FCHSD2: variants seen among roughly 807,000 people sequenced by gnomAD.
FCHSD2 encodes the protein FCH and double SH3 domains 2.
FCHSD2 carries 38 observed loss-of-function variants against 108.1 expected under a neutral mutation model. The observed-to-expected ratio is 0.35, with a 90% CI of 0.27 to 0.46. The LOEUF is 0.46. FCHSD2 is among the 20% of genes least tolerant of loss of function. The probability of loss-of-function intolerance (pLI) is 1.00; values close to 1 mark genes in which losing one functional copy is unlikely to be tolerated. For synonymous variants in FCHSD2, 279 were observed against 314.7 expected, an observed-to-expected ratio of 0.89 and a Z score of 1.20; for missense variants, 751 against 897.8, an observed-to-expected ratio of 0.84 and a Z score of 2.09.
At chr11:73,078,560 A>C (rs1438325445) in intron 3 of FCHSD2, among the ~76,000 whole-genome samples, 2 of 152,206 alleles carry the variant, frequency 1.3e-5, no homozygotes, top group Admixed American at 1.3e-4. Flanking sequence ...GAAAGAAATC[A>C]GACACAGAAG....
intron 3 of FCHSD2, among the ~76,000 whole-genome samples, chr11:73,047,971 G>A (rs531269701): frequency 6.6e-5 from 10 of 152,028 alleles, no homozygotes; most frequent in Non-Finnish European, 5.9e-5. Flanking sequence ...GTTAACAAAT[G>A]GTGGAGCCAT....
chr11:72,920,678 C>A lies in FCHSD2; in HGVS notation c.828+1150G>T, dbSNP rs193104091. Among the ~76,000 whole-genome samples the A allele has an allele frequency of 4.4e-3, 677 of 152,258 alleles. 5 individuals are homozygous for A. The highest frequency in any genetic ancestry group is 0.016 in the African/African-American group (661 of 41,550). On this transcript the variant is annotated intron_variant, in intron 9 of 19. Coordinates refer to ENST00000409418, the MANE Select transcript of FCHSD2 (RefSeq NM_014824.3). ...TTTCATAGACTTTTCCCCCAACATT[C>A]TTTTCTGAAAAATTCAAATATATAT...
intron 9 of FCHSD2, among the ~76,000 whole-genome samples, chr11:72,908,683 A>G (rs1405177212): frequency 6.6e-6 from 1 of 152,068 alleles, no homozygotes; most frequent in Non-Finnish European, 1.5e-5. Flanking sequence ...TATTTTTATC[A>G]TTATTTTTTG....
intron 3 of FCHSD2, among the ~76,000 whole-genome samples, chr11:73,028,398 A>G (rs912125126): frequency 1.3e-5 from 2 of 152,152 alleles, no homozygotes; most frequent in Non-Finnish European, 2.9e-5. Context: ...CTGTAGCCCC[A>G]TTGTTTTGGC....
chr11:72,968,623 G>C (rs1348118207), intron 8 of FCHSD2, among the ~76,000 whole-genome samples: 1 of 152,174 alleles, frequency 6.6e-6, no homozygotes, highest in Admixed American at 6.6e-5. Context: ...CCATAAATGG[G>C]GGGTTATTCT....
chr11:72,913,626 C>G (rs528651503), intron 9 of FCHSD2, among the ~76,000 whole-genome samples: 2 of 152,222 alleles, frequency 1.3e-5, no homozygotes, highest in South Asian at 4.1e-4. Context: ...TTCACAGTAG[C>G]CTCTAATGGT....
chr11:73,076,238 G>A (rs757043926), intron 3 of FCHSD2, among the ~76,000 whole-genome samples: 15 of 152,116 alleles, frequency 9.9e-5, no homozygotes, highest in Non-Finnish European at 1.8e-4. Context: ...TGGTTATTAG[G>A]CAGCATTATA....
rs373719529 is a variant in FCHSD2 at position 73,034,866 on chromosome 11, ATCTG to A, written c.166-18985_166-18982del. On this transcript the variant is annotated intron_variant, in intron 3 of 19. Coordinates refer to ENST00000409418, the MANE Select transcript of FCHSD2 (RefSeq NM_014824.3). ...AAAGTCAAAAGAACCAAGACTGTCA[ATCTG>A]TCTGTCAACAACACAACTGAAAATC... Among the ~76,000 whole-genome samples, 122 of 152,356 alleles carry A rather than the reference ATCTG, an allele frequency of 8.0e-4. 1 individual carries two copies. In the East Asian group the frequency reaches 0.021, roughly 26 times the overall value.
In FCHSD2 at chr11:73,135,407, T is replaced by G. The variant is rs144749100; in HGVS notation, c.119+4624A>C. Among the ~76,000 whole-genome samples the G allele has an allele frequency of 4.4e-3, 668 of 152,304 alleles. 5 individuals are homozygous for G. Among genetic ancestry groups the G allele is most frequent in the African/African-American group, 0.015 (636 of 41,566 alleles). On this transcript the variant is annotated intron_variant, in intron 2 of 19. Coordinates refer to ENST00000409418, the MANE Select transcript of FCHSD2 (RefSeq NM_014824.3). Reference sequence around the variant, plus strand: ...ACTAAAATTCAATAATTTTTCCATATTATAGACCTCCTTAAACTGTCCTCT... The same window carrying G: ...ACTAAAATTCAATAATTTTTCCATAGTATAGACCTCCTTAAACTGTCCTCT...
intron 9 of FCHSD2, among the ~76,000 whole-genome samples, chr11:72,918,609 A>AT (rs1304927358): frequency 1.3e-5 from 2 of 152,294 alleles, no homozygotes; most frequent in African/African-American, 4.8e-5. Flanking sequence ...TTCTGTGTCT[A>AT]TTGAAATGAT....
intron 12 of FCHSD2, among the ~76,000 whole-genome samples, chr11:72,874,913 G>C (rs1218537903): frequency 6.6e-6 from 1 of 152,086 alleles, no homozygotes; most frequent in Non-Finnish European, 1.5e-5. Context: ...GATACTACTT[G>C]ACCAAATCAT....
At chr11:73,056,794 T>C (rs536706211) in intron 3 of FCHSD2, among the ~76,000 whole-genome samples, 2 of 152,002 alleles carry the variant, frequency 1.3e-5, no homozygotes, top group East Asian at 1.9e-4. Flanking sequence ...AATCCATAGA[T>C]TGACAAGGCC....
chr11:72,867,697 T>C (rs1427676641), intron 13 of FCHSD2, among the ~76,000 whole-genome samples, 168 bp downstream of exon 13: 2 of 152,184 alleles, frequency 1.3e-5, no homozygotes, highest in Non-Finnish European at 2.9e-5. Flanking sequence ...TCTCTTTCAC[T>C]TCCCGCAATA....
chr11:72,896,814 G>A (rs1565310975), intron 10 of FCHSD2, among the ~76,000 whole-genome samples: 1 of 148,244 alleles, frequency 6.7e-6, no homozygotes. Flanking sequence ...TTGCCTTGTG[G>A]ATTTTTGTTT....
intron 8 of FCHSD2, among the ~76,000 whole-genome samples, chr11:72,949,401 G>C (rs2135354376): frequency 6.6e-6 from 1 of 152,114 alleles, no homozygotes; most frequent in East Asian, 1.9e-4. Context: ...AGTGAGCCGA[G>C]ATCATGCCAC....
At position 73,107,463 on chromosome 11, in the gene FCHSD2, A is replaced by G. The variant is rs1481610603; in HGVS notation, c.120-23723T>C. Among the ~76,000 whole-genome samples, 3 of 152,228 alleles carry G rather than the reference A, an allele frequency of 2.0e-5. No individual in the cohort carries two copies. In the East Asian group the frequency reaches 5.8e-4, roughly 29 times the overall value. ...ATAATCACATTAGAGTAAATGGGGT[A>G]TCCATCGCCTCAAGCATTTACGCTT... is the stretch of plus-strand genomic sequence containing the variant. On this transcript the variant is annotated intron_variant, in intron 2 of 19. Coordinates refer to ENST00000409418, the MANE Select transcript of FCHSD2 (RefSeq NM_014824.3).
chr11:73,052,603 TAAAC>T (rs1365302158), intron 3 of FCHSD2, among the ~76,000 whole-genome samples: 1 of 152,110 alleles, frequency 6.6e-6, no homozygotes, highest in Non-Finnish European at 1.5e-5. Context: ...CTGTCGAAAA[TAAAC>T]AATGAAACAA....
At chr11:72,965,435 G>C (rs1856890511) in intron 8 of FCHSD2, among the ~76,000 whole-genome samples, 1 of 152,208 alleles carries the variant, frequency 6.6e-6, no homozygotes, top group African/African-American at 2.4e-5. Flanking sequence ...TACCAGGTGA[G>C]ACAAAATAAG....
At chr11:73,109,431 T>C (rs1012501062) in intron 2 of FCHSD2, among the ~76,000 whole-genome samples, 6 of 152,192 alleles carry the variant, frequency 3.9e-5, no homozygotes, top group African/African-American at 1.4e-4. Context: ...ATTGCAGAGA[T>C]CTTTCACTTC....
Sources: gnomAD v4.1 joint callset for allele counts (sites outside exome capture counted in the v4.1 genomes callset) on GRCh38, gnomAD v4.1.1 for gene constraint, MANE v1.5 for transcripts, NCBI Gene and HGNC (gene_info 2026-07-23, HGNC 2026-07-21) for gene names.